RNLS: variants seen among roughly 807,000 people sequenced by gnomAD.
RNLS encodes the protein renalase.
In RNLS, 39 loss-of-function variants were observed where a neutral mutation model predicts 39.8. The observed-to-expected ratio is 0.98, with a 90% confidence interval of 0.76 to 1.28. The LOEUF is 1.28. RNLS is among the 50% of genes most tolerant of loss of function. The probability of loss-of-function intolerance (pLI) is 0.00; values close to 1 mark genes in which losing one functional copy is unlikely to be tolerated. For synonymous variants in RNLS, 147 were observed against 150.7 expected, an observed-to-expected ratio of 0.98 and a Z score of 0.18; for missense variants, 410 against 413.3, an observed-to-expected ratio of 0.99 and a Z score of 0.07.
At chr10:88,302,903 G>C (rs1844634420) in intron 6 of RNLS, among the ~76,000 whole-genome samples, 1 of 152,286 alleles carries the variant, frequency 6.6e-6, no homozygotes, top group South Asian at 2.1e-4. Flanking sequence ...GATGCAGCCA[G>C]GTGGAATGGC....
chr10:88,228,593 ACTT>A, the RNLS span, among the ~76,000 whole-genome samples: 1 of 152,084 alleles, frequency 6.6e-6, no homozygotes, highest in Non-Finnish European at 1.5e-5. Context: ...AAGTGCCACT[ACTT>A]CTTCGGTGTC....
the RNLS span, among the ~76,000 whole-genome samples, chr10:88,258,048 T>C: frequency 1.3e-5 from 2 of 152,220 alleles, no homozygotes; most frequent in Non-Finnish European, 2.9e-5. Flanking sequence ...GGAAACTCTA[T>C]AATTGACTAG....
intron 4 of RNLS, among the ~76,000 whole-genome samples, chr10:88,488,740 A>G (rs1844714692): frequency 6.6e-6 from 1 of 152,196 alleles, no homozygotes; most frequent in African/African-American, 2.4e-5. Flanking sequence ...TTCCGTGATT[A>G]CAGTCACAGC....
At chr10:88,556,970 G>C (rs1848909505) in intron 4 of RNLS, among the ~76,000 whole-genome samples, 2 of 152,000 alleles carry the variant, frequency 1.3e-5, no homozygotes, top group African/African-American at 4.8e-5. Flanking sequence ...GTTCCTTGGA[G>C]CTTTTAATGT....
intron 4 of RNLS, among the ~76,000 whole-genome samples, chr10:88,491,974 T>A (rs1564844283): frequency 1.1e-4 from 17 of 151,330 alleles, no homozygotes. Flanking sequence ...TTTTTTTTTT[T>A]AGGGGTAAAA....
chr10:88,407,196 G>A (rs1853332526), intron 4 of RNLS, among the ~76,000 whole-genome samples: 1 of 151,786 alleles, frequency 6.6e-6, no homozygotes, highest in African/African-American at 2.4e-5. Context: ...ATAACTTATG[G>A]AAAAAAATAG....
the RNLS span, among the ~76,000 whole-genome samples, chr10:88,255,902 G>A: frequency 1.3e-5 from 2 of 152,074 alleles, no homozygotes; most frequent in African/African-American, 4.8e-5. Context: ...GCCCTGTGAG[G>A]ATTCTCACAT....
intron 4 of RNLS, among the ~76,000 whole-genome samples, chr10:88,553,403 C>A (rs1051680889): frequency 3.3e-5 from 5 of 152,154 alleles, no homozygotes; most frequent in African/African-American, 1.2e-4. Flanking sequence ...AGTTCCAGGT[C>A]CCCACTTGGC....
At chr10:88,378,202 G>A (rs1851177677) in intron 4 of RNLS, among the ~76,000 whole-genome samples, 1 of 151,334 alleles carries the variant, frequency 6.6e-6, no homozygotes. Flanking sequence ...CCATTTTACA[G>A]CTAACTAAAA....
chr10:88,500,132 C>A (rs1207552219), intron 4 of RNLS, among the ~76,000 whole-genome samples: 1 of 152,062 alleles, frequency 6.6e-6, no homozygotes, highest in African/African-American at 2.4e-5. Context: ...TATGTCAATG[C>A]ACCAAACGGA....
chr10:88,521,151 G>A (rs1363105698), intron 4 of RNLS, among the ~76,000 whole-genome samples: 1 of 151,962 alleles, frequency 6.6e-6, no homozygotes, highest in Non-Finnish European at 1.5e-5. Flanking sequence ...AAGTTTCCAT[G>A]AAGGTAGAAG....
At chr10:88,454,101 A>G (rs1301187251) in intron 4 of RNLS, among the ~76,000 whole-genome samples, 4 of 152,242 alleles carry the variant, frequency 2.6e-5, no homozygotes, top group African/African-American at 7.2e-5. Context: ...CAGAACCCTG[A>G]GAAATACCAA....
chr10:88,524,998 T>TATATATATATATACAC (rs1554919255), intron 4 of RNLS, among the ~76,000 whole-genome samples: 1 of 104,472 alleles, frequency 9.6e-6, no homozygotes, highest in African/African-American at 3.5e-5. Context: ...TATATATATA[T>TATATATATATATACAC]ACACACACAC....
chr10:88,277,384 G>A lies in RNLS; in HGVS notation c.877-2352C>T, dbSNP rs574290883. On this transcript the variant is annotated intron_variant, in intron 6 of 6. Transcript: ENST00000371947. Reference sequence around the variant, plus strand: ...GGGAGAAATGCCTAATGTGGATGACGAGTTGATGGGTGCAGCAAACCAACA... The same window carrying A: ...GGGAGAAATGCCTAATGTGGATGACAAGTTGATGGGTGCAGCAAACCAACA... Among the ~76,000 whole-genome samples, 340 of 152,228 alleles carry A rather than the reference G, an allele frequency of 2.2e-3. 3 individuals are homozygous for A. Among genetic ancestry groups the A allele is most frequent in the Non-Finnish European group, 2.7e-3 (185 of 68,006 alleles).
At position 88,572,895 on chromosome 10, in the gene RNLS, A is replaced by G; in HGVS notation, c.526+8T>C. 6.2e-7 allele frequency: 1 copy of G among 1,612,054 alleles called. No individual in the cohort carries two copies. The highest frequency in any genetic ancestry group is 8.5e-7 in the Non-Finnish European group (1 of 1,178,624). On this transcript the variant is annotated splice_region_variant and intron_variant, in intron 4 of 6. Coordinates refer to ENST00000331772, the MANE Select transcript of RNLS (RefSeq NM_001031709.3). ...CCTGAGGCAGGTAAATGGCAAAAGC[A>G]GACTCACAGGTGGTGATGTCACCTT...
At chr10:88,345,623 AAG>A (rs2133247800) in intron 5 of RNLS, among the ~76,000 whole-genome samples, 2 of 152,310 alleles carry the variant, frequency 1.3e-5, no homozygotes, top group South Asian at 4.1e-4. Context: ...AACAATTATA[AAG>A]TTGGCATTTA....
At chr10:88,254,597 A>C in the RNLS span, among the ~76,000 whole-genome samples, 31 of 152,298 alleles carry the variant, frequency 2.0e-4, no homozygotes, top group African/African-American at 7.0e-4. Flanking sequence ...TTTTTTGCTT[A>C]AGCCAGCTTT....
chr10:88,491,957 GTT>G (rs1248792392), intron 4 of RNLS, among the ~76,000 whole-genome samples: 1 of 129,354 alleles, frequency 7.7e-6, no homozygotes, highest in African/African-American at 3.1e-5. Context: ...AAAGAGTTTT[GTT>G]TTTTTTTTTT....
intron 4 of RNLS, among the ~76,000 whole-genome samples, chr10:88,387,487 G>A (rs1045851974): frequency 6.5e-5 from 6 of 92,232 alleles, no homozygotes; most frequent in African/African-American, 2.7e-4. Flanking sequence ...AAGAAGAAAA[G>A]CGAGGAGAAC....
Sources: gnomAD v4.1 joint callset for allele counts (sites outside exome capture counted in the v4.1 genomes callset) on GRCh38, gnomAD v4.1.1 for gene constraint, MANE v1.5 for transcripts, NCBI Gene and HGNC (gene_info 2026-07-23, HGNC 2026-07-21) for gene names.